NCOA3: variants seen among roughly 807,000 people sequenced by gnomAD.
The protein encoded by NCOA3 is CBP-interacting protein.
In NCOA3, 51 loss-of-function variants were observed where a neutral mutation model predicts 158.8. The ratio of observed to expected loss-of-function variants is 0.32; its 90% CI spans 0.26 to 0.41. The LOEUF (loss-of-function observed/expected upper bound fraction) is 0.41. Ranked by LOEUF, NCOA3 falls within the 10% of genes least tolerant of loss-of-function variation. The pLI is 1.00. For missense variants in NCOA3, 1,510 were observed against 1,746.6 expected (o/e 0.86, Z 2.41); for synonymous variants, 537 against 592.4 (o/e 0.91, Z 1.36).
intron 1 of NCOA3, among the ~76,000 whole-genome samples, chr20:47,544,669 A>G (rs1033805740): frequency 8.5e-5 from 13 of 152,048 alleles, no homozygotes; most frequent in Non-Finnish European, 1.6e-4. Context: ...ATTTAAAGTA[A>G]TATCTTTTTC....
chr20:47,534,429 T>C (rs1442887482), intron 1 of NCOA3, among the ~76,000 whole-genome samples: 1 of 152,204 alleles, frequency 6.6e-6, no homozygotes, highest in East Asian at 1.9e-4. Context: ...TTAGTCTCCC[T>C]AACTGGGTTG....
At chr20:47,542,009 G>GTTTTTTTGCTTTTTTTTTTTTTTTT (rs71183262) in intron 1 of NCOA3, among the ~76,000 whole-genome samples, 2 of 56,318 alleles carry the variant, frequency 3.6e-5, no homozygotes, top group African/African-American at 1.5e-4. Context: ...GCCCTGTAGA[G>GTTTTTTTGCTTTTTTTTTTTTTTTT]TTTTTTTTTT....
At chr20:47,579,162 A>C (rs2058285361) in intron 1 of NCOA3, among the ~76,000 whole-genome samples, 1 of 152,130 alleles carries the variant, frequency 6.6e-6, no homozygotes, top group African/African-American at 2.4e-5. Flanking sequence ...TAAAACTAAA[A>C]CAGGGGCCAT....
chr20:47,566,537 G>A (rs1443751210), intron 1 of NCOA3, among the ~76,000 whole-genome samples: 1 of 150,716 alleles, frequency 6.6e-6, no homozygotes, highest in Non-Finnish European at 1.5e-5. Context: ...TTTGAGATAG[G>A]GTCTTGCTCT....
chr20:47,571,002 G>A (rs1178798789), intron 1 of NCOA3, among the ~76,000 whole-genome samples: 7 of 141,912 alleles, frequency 4.9e-5, no homozygotes, highest in Admixed American at 6.8e-5. Context: ...GTGTGTGTGT[G>A]TATATACATT....
intron 1 of NCOA3, among the ~76,000 whole-genome samples, chr20:47,538,820 A>G (rs1305612496): frequency 6.6e-6 from 1 of 152,258 alleles, no homozygotes; most frequent in African/African-American, 2.4e-5. Flanking sequence ...TTGGGATTTC[A>G]GGCGTAAGCC....
In NCOA3 at chr20:47,635,439, G is replaced by A. The variant is rs775945810; in HGVS notation, c.1230G>A (p.Gln410=). ...GTATGTCGCCAAACCAAGGCTTACA[G>A]ATGCCGAGCAGCAGGGCCTATGGCT... ...GMSMSPNQGL[Q]MPSSRAYGLA... is the part of the protein sequence containing the mutation. The change falls in exon 11 of 23, where the codon CAG becomes CAA. Residue 410 remains glutamine, a synonymous_variant. Coordinates refer to ENST00000371998, the MANE Select transcript of NCOA3 (RefSeq NM_181659.3). 1.2e-6 allele frequency: 2 copies of A among 1,614,180 alleles called. No homozygotes were observed. Among genetic ancestry groups the A allele is most frequent in the Non-Finnish European group, 1.7e-6 (2 of 1,180,042 alleles).
At chr20:47,557,445 T>A (rs973671429) in intron 1 of NCOA3, among the ~76,000 whole-genome samples, 2 of 152,228 alleles carry the variant, frequency 1.3e-5, no homozygotes, top group African/African-American at 4.8e-5. Context: ...TGAAATAACT[T>A]GCTTAAGGCC....
At chr20:47,641,435 T>C (rs1170288182) in intron 16 of NCOA3, among the ~76,000 whole-genome samples, 1 of 135,522 alleles carries the variant, frequency 7.4e-6, no homozygotes, top group East Asian at 2.4e-4. Context: ...TCTGCCCACC[T>C]CTACCTCCCA....
chr20:47,586,743 C>G (rs1012028024), intron 2 of NCOA3, among the ~76,000 whole-genome samples: 5 of 152,188 alleles, frequency 3.3e-5, no homozygotes, highest in South Asian at 2.1e-4. Flanking sequence ...TCCCTAACCC[C>G]TTTACTCTGT....
intron 1 of NCOA3, among the ~76,000 whole-genome samples, chr20:47,579,415 G>A (rs1302312092): frequency 2.0e-5 from 3 of 152,196 alleles, no homozygotes; most frequent in Admixed American, 6.5e-5. Context: ...TTTGGTTTTT[G>A]TATGTGTGAT....
intron 1 of NCOA3, among the ~76,000 whole-genome samples, chr20:47,573,368 C>G (rs1255141315): frequency 6.7e-6 from 1 of 149,812 alleles, no homozygotes; most frequent in Non-Finnish European, 1.5e-5. Context: ...CCACTGCATT[C>G]CAGCCTGGGT....
At chr20:47,649,447 T>G (rs992596058) in intron 19 of NCOA3, among the ~76,000 whole-genome samples, 1 of 152,160 alleles carries the variant, frequency 6.6e-6, no homozygotes, top group Non-Finnish European at 1.5e-5. Flanking sequence ...TCCTGGATTA[T>G]GAAACAACAT....
At chr20:47,551,224 G>A (rs890993248) in intron 1 of NCOA3, among the ~76,000 whole-genome samples, 4 of 152,056 alleles carry the variant, frequency 2.6e-5, no homozygotes, top group Non-Finnish European at 5.9e-5. Context: ...TGACTACTTC[G>A]TAACTAAATT....
At chr20:47,553,771 G>A (rs1429704351) in intron 1 of NCOA3, among the ~76,000 whole-genome samples, 3 of 152,010 alleles carry the variant, frequency 2.0e-5, no homozygotes, top group Non-Finnish European at 2.9e-5. Flanking sequence ...GTGTATATGT[G>A]CCATGTTTTC....
At chr20:47,580,650 T>G (rs1273952993) in intron 1 of NCOA3, among the ~76,000 whole-genome samples, 1 of 151,606 alleles carries the variant, frequency 6.6e-6, no homozygotes, top group African/African-American at 2.4e-5. Flanking sequence ...TCGTCTTTCC[T>G]AATAAAGGAA....
chr20:47,625,616 T>C, intron 5 of NCOA3, 135 bp downstream of exon 5: 1 of 648,236 alleles, frequency 1.5e-6, no homozygotes, highest in Non-Finnish European at 2.7e-6. Context: ...GACAGTTCAG[T>C]ATTCTGAATA....
intron 2 of NCOA3, among the ~76,000 whole-genome samples, chr20:47,611,981 C>A (rs139075613): frequency 6.6e-6 from 1 of 152,062 alleles, no homozygotes; most frequent in Non-Finnish European, 1.5e-5. Flanking sequence ...TGCGTCACCA[C>A]GCTTGGCTAA....
intron 1 of NCOA3, among the ~76,000 whole-genome samples, chr20:47,554,798 A>G (rs575156281): frequency 6.6e-6 from 1 of 152,150 alleles, no homozygotes; most frequent in African/African-American, 2.4e-5. Context: ...TAATTTATAG[A>G]TTCAATGCCA....
Sources: gnomAD v4.1 joint callset for allele counts (sites outside exome capture counted in the v4.1 genomes callset) on GRCh38, gnomAD v4.1.1 for gene constraint, MANE v1.5 for transcripts, NCBI Gene and HGNC (gene_info 2026-07-23, HGNC 2026-07-21) for gene names.